FLI1: variants seen among roughly 807,000 people sequenced by gnomAD.
FLI1 encodes the protein Friend leukemia integration 1 transcription factor.
In FLI1, 13 loss-of-function variants were observed where a neutral mutation model predicts 53.1. That is an observed-to-expected ratio of 0.24 (90% CI 0.16 to 0.39). The LOEUF is 0.39. Ranked by LOEUF, FLI1 falls within the 10% of genes least tolerant of loss-of-function variation. The pLI is 1.00. For synonymous variants in FLI1, 244 were observed against 236.7 expected (o/e 1.03, Z -0.28); for missense variants, 424 against 600.5 (o/e 0.71, Z 3.07).
intron 5 of FLI1, among the ~76,000 whole-genome samples, chr11:128,789,979 T>C (rs1369392471): frequency 6.6e-6 from 1 of 152,122 alleles, no homozygotes; most frequent in Non-Finnish European, 1.5e-5. Context: ...ATTGTCATTA[T>C]ATGTTCTTCC....
intron 5 of FLI1, among the ~76,000 whole-genome samples, chr11:128,795,164 A>G (rs1942394536): frequency 6.6e-6 from 1 of 152,216 alleles, no homozygotes; most frequent in Non-Finnish European, 1.5e-5. Flanking sequence ...AAAGATGGTA[A>G]AATTAAGTGG....
intron 1 of FLI1, among the ~76,000 whole-genome samples, chr11:128,745,203 G>C (rs917198404): frequency 5.3e-5 from 8 of 152,180 alleles, no homozygotes; most frequent in African/African-American, 1.9e-4. Context: ...GCAGGAGGTT[G>C]AGCAAGAAAG....
intron 1 of FLI1, among the ~76,000 whole-genome samples, chr11:128,724,070 G>A (rs1939366951): frequency 6.6e-6 from 1 of 150,820 alleles, no homozygotes; most frequent in African/African-American, 2.4e-5. Context: ...AGCCTCCTGA[G>A]TAGCTGGGAT....
At chr11:128,692,711 C>A (rs561539043), upstream of FLI1, 1 of 152,232 alleles carries the variant, frequency 6.6e-6, no homozygotes, top group Non-Finnish European at 1.5e-5. Context: ...TGACTTGGAT[C>A]TCCTCTGGAT....
chr11:128,697,565 T>C (rs1245361055), intron 1 of FLI1, among the ~76,000 whole-genome samples: 1 of 152,178 alleles, frequency 6.6e-6, no homozygotes, highest in Non-Finnish European at 1.5e-5. Flanking sequence ...AGGCACCTCT[T>C]GAATCTGTTT....
intron 3 of FLI1, 100 bp from the exon 4 acceptor site, chr11:128,772,682 A>G (rs1941606049): frequency 1.1e-6 from 1 of 890,462 alleles, no homozygotes; most frequent in East Asian, 2.4e-5. Flanking sequence ...GAGAAAGAGA[A>G]GGGAAAGAAA....
intron 1 of FLI1, among the ~76,000 whole-genome samples, chr11:128,699,717 C>T (rs1938240260): frequency 1.3e-5 from 2 of 152,228 alleles, no homozygotes; most frequent in Non-Finnish European, 2.9e-5. Flanking sequence ...ATAGACCCAC[C>T]ATCAGTTGCC....
rs1284082092 is a variant in FLI1, at chr11:128,811,157, G to T, written c.*169G>T. 1 of 657,944 alleles carries T rather than the reference G, an allele frequency of 1.5e-6. No homozygotes were observed. The highest frequency in any genetic ancestry group is 2.6e-6 in the Non-Finnish European group (1 of 391,040). 40.8% of individuals were successfully genotyped at this position (657,944 alleles called of 1,614,324 possible). ...TTTAAAAACATTTTTTTTAATGTTG[G>T]TAACTTTTGCTTCCTCTACCTGAAC... is the stretch of plus-strand genomic sequence containing the variant. On this transcript the variant is annotated 3_prime_UTR_variant, in exon 9 of 9. Transcript: ENST00000527786.
intron 1 of FLI1, among the ~76,000 whole-genome samples, chr11:128,729,848 A>G (rs1265647130): frequency 1.3e-5 from 2 of 152,242 alleles, no homozygotes; most frequent in East Asian, 1.9e-4. Context: ...GATTTTTGCT[A>G]AAGAGATGCT....
At chr11:128,808,403 A>T (rs1942844273) in intron 7 of FLI1, among the ~76,000 whole-genome samples, 1 of 152,218 alleles carries the variant, frequency 6.6e-6, no homozygotes, top group African/African-American at 2.4e-5. Flanking sequence ...AAGGAGATAA[A>T]CCTCTCACCT....
chr11:128,798,363 G>C (rs1311251625), intron 5 of FLI1, among the ~76,000 whole-genome samples: 1 of 152,028 alleles, frequency 6.6e-6, no homozygotes, highest in African/African-American at 2.4e-5. Context: ...GCCTGTGGGA[G>C]AAATGAAATA....
chr11:128,687,224 G>A (rs924193794), intron 1 of FLI1, among the ~76,000 whole-genome samples: 1 of 152,100 alleles, frequency 6.6e-6, no homozygotes, highest in African/African-American at 2.4e-5. Flanking sequence ...CCCGCCCTTC[G>A]GAAGCGCAGA....
chr11:128,776,806 G>C (rs951030690), intron 4 of FLI1, among the ~76,000 whole-genome samples: 5 of 152,156 alleles, frequency 3.3e-5, no homozygotes, highest in Non-Finnish European at 7.4e-5. Context: ...TGGAGTCCCA[G>C]TCCCTGGCCT....
At chr11:128,789,518 A>G (rs1565501253) in intron 5 of FLI1, among the ~76,000 whole-genome samples, 1 of 152,146 alleles carries the variant, frequency 6.6e-6, no homozygotes, top group Non-Finnish European at 1.5e-5. Flanking sequence ...ACTTGTATAT[A>G]TCTTAGAAAT....
At chr11:128,749,400 G>A (rs1374317590) in intron 1 of FLI1, among the ~76,000 whole-genome samples, 2 of 152,198 alleles carry the variant, frequency 1.3e-5, no homozygotes, top group Non-Finnish European at 2.9e-5. Context: ...GGTTGGCTGT[G>A]GCCTCGGTTC....
intron 1 of FLI1, among the ~76,000 whole-genome samples, chr11:128,756,891 G>A (rs4466854): frequency 0.057 from 8,734 of 152,060 alleles, 445 homozygotes; most frequent in East Asian, 0.28. Flanking sequence ...AAGTTTTTTA[G>A]TTGTCGTTGT....
At chr11:128,692,317 G>A (rs548338736), upstream of FLI1, among the ~76,000 whole-genome samples, 37 of 152,268 alleles carry the variant, frequency 2.4e-4, no homozygotes, top group African/African-American at 8.7e-4. Context: ...GGCAAAGGGG[G>A]GGACTGACCC....
intron 1 of FLI1, among the ~76,000 whole-genome samples, chr11:128,723,465 TC>T (rs375305882): frequency 2.0e-4 from 31 of 152,154 alleles, no homozygotes; most frequent in African/African-American, 7.0e-4. Flanking sequence ...CTATGGGTAA[TC>T]TTAGGAAATT....
chr11:128,759,358 G>T, intron 2 of FLI1, among the ~76,000 whole-genome samples: 1 of 152,358 alleles, frequency 6.6e-6, no homozygotes, highest in African/African-American at 2.4e-5. Flanking sequence ...GAGCACAGAC[G>T]TGACATTTAA....
Sources: allele counts gnomAD v4.1 joint callset (sites outside exome capture counted in the v4.1 genomes callset), GRCh38; gene constraint gnomAD v4.1.1; transcripts MANE v1.5; gene names NCBI Gene and HGNC (gene_info 2026-07-23, HGNC 2026-07-21).